Variants in SPMAP2L observed in about 807,000 individuals in gnomAD.
SPMAP2L encodes the protein sperm microtubule associated protein 2 like, also known as sperm microtubule associated protein 2-like.
the SPMAP2L span, chr4:56,603,631 C>T: frequency 9.1e-6 from 2 of 218,896 alleles, no homozygotes; most frequent in Non-Finnish European, 9.0e-6. Context: ...CCTGAAGAAA[C>T]ACTCTTCCTT....
At chr4:56,596,573 G>T in the SPMAP2L span, 2 of 1,534,222 alleles carry the variant, frequency 1.3e-6, no homozygotes, top group Admixed American at 4.0e-5. Context: ...GCCCACCCAA[G>T]GATCAAGTTA....
At chr4:56,550,599 A>G in the SPMAP2L span, among the ~76,000 whole-genome samples, 1 of 152,194 alleles carries the variant, frequency 6.6e-6, no homozygotes, top group Non-Finnish European at 1.5e-5. Flanking sequence ...TGAGTGAGCA[A>G]GCTTTCCTGT....
At chr4:56,583,765 G>A in the SPMAP2L span, among the ~76,000 whole-genome samples, 2 of 152,016 alleles carry the variant, frequency 1.3e-5, no homozygotes, top group Non-Finnish European at 2.9e-5. Context: ...GGAGGAATTG[G>A]TATAGAATGA....
chr4:56,563,606 A>G, the SPMAP2L span, among the ~76,000 whole-genome samples: 1 of 152,194 alleles, frequency 6.6e-6, no homozygotes, highest in African/African-American at 2.4e-5. Context: ...TTCAGATAAA[A>G]TACCAGTTTA....
the SPMAP2L span, among the ~76,000 whole-genome samples, chr4:56,546,709 A>T: frequency 6.6e-6 from 1 of 152,354 alleles, no homozygotes; most frequent in African/African-American, 2.4e-5. Flanking sequence ...CATTCACATT[A>T]TCAGTACTTA....
the SPMAP2L span, among the ~76,000 whole-genome samples, chr4:56,619,989 A>G: frequency 3.9e-5 from 6 of 152,396 alleles, no homozygotes; most frequent in African/African-American, 1.4e-4. Context: ...AGGCAGCTCT[A>G]CCAGGCACTG....
At chr4:56,601,355 A>C in the SPMAP2L span, among the ~76,000 whole-genome samples, 1 of 152,164 alleles carries the variant, frequency 6.6e-6, no homozygotes, top group African/African-American at 2.4e-5. Context: ...CAGGTGGATC[A>C]CACCTGTAAT....
the SPMAP2L span, among the ~76,000 whole-genome samples, chr4:56,615,398 A>C: frequency 1.3e-5 from 2 of 152,196 alleles, no homozygotes; most frequent in Non-Finnish European, 2.9e-5. Context: ...GCAGGCACTA[A>C]ATCAGGGTAT....
At chr4:56,593,707 G>A in the SPMAP2L span, 3 of 1,590,992 alleles carry the variant, frequency 1.9e-6, no homozygotes, top group African/African-American at 4.0e-5. Context: ...GAATGGTGGG[G>A]GCAACAAGAG....
At chr4:56,578,085 A>G in the SPMAP2L span, among the ~76,000 whole-genome samples, 1 of 152,254 alleles carries the variant, frequency 6.6e-6, no homozygotes, top group Admixed American at 6.5e-5. Flanking sequence ...AGTACATTAT[A>G]ATTACATTAA....
At chr4:56,608,503 T>C in the SPMAP2L span, among the ~76,000 whole-genome samples, 1 of 152,030 alleles carries the variant, frequency 6.6e-6, no homozygotes, top group Non-Finnish European at 1.5e-5. Context: ...AAGCCCAGAG[T>C]GCCAGGCCCT....
chr4:56,593,490 C>A, the SPMAP2L span: 11 of 1,598,198 alleles, frequency 6.9e-6, no homozygotes, highest in African/African-American at 8.0e-5. Context: ...TTACGGAACT[C>A]GTGGAGAGAG....
chr4:56,589,485 T>C, the SPMAP2L span, among the ~76,000 whole-genome samples: 1 of 152,184 alleles, frequency 6.6e-6, no homozygotes, highest in Non-Finnish European at 1.5e-5. Flanking sequence ...TGGTGTTATT[T>C]TGATGGGGAT....
chr4:56,590,086 A>C, the SPMAP2L span, among the ~76,000 whole-genome samples: 39,922 of 151,850 alleles, frequency 0.26, 6,768 homozygotes, highest in East Asian at 0.49. Flanking sequence ...GCATCCTTGT[A>C]TTGTTTCAGT....
the SPMAP2L span, chr4:56,575,360 A>T: frequency 1.1e-6 from 1 of 944,726 alleles, no homozygotes; most frequent in Non-Finnish European, 1.5e-6. Flanking sequence ...TAAAGCAATT[A>T]ATTTCTCCTC....
the SPMAP2L span, among the ~76,000 whole-genome samples, chr4:56,572,802 G>A: frequency 6.6e-6 from 1 of 152,166 alleles, no homozygotes; most frequent in African/African-American, 2.4e-5. Flanking sequence ...GATCACCTGA[G>A]GTCAGGAGTT....
the SPMAP2L span, among the ~76,000 whole-genome samples, chr4:56,600,097 C>CTTT: frequency 2.0e-3 from 175 of 87,806 alleles, 6 homozygotes; most frequent in African/African-American, 6.8e-3. Context: ...TCTTTGCTTT[C>CTTT]TTTTTTTTTT....
the SPMAP2L span, chr4:56,593,870 G>T: frequency 1.9e-6 from 3 of 1,611,222 alleles, no homozygotes; most frequent in African/African-American, 4.0e-5. Context: ...CCATGGGCTG[G>T]AGCATATTGC....
chr4:56,578,349 T>A, the SPMAP2L span, among the ~76,000 whole-genome samples: 1 of 151,788 alleles, frequency 6.6e-6, no homozygotes, highest in East Asian at 1.9e-4. Context: ...ATTTTTAAAA[T>A]GTAATAAAAT....
Sources: allele counts gnomAD v4.1 joint callset (sites outside exome capture counted in the v4.1 genomes callset), GRCh38; gene constraint gnomAD v4.1.1; transcripts MANE v1.5; gene names NCBI Gene and HGNC (gene_info 2026-07-23, HGNC 2026-07-21).